Variants in ACVR2A observed in about 807,000 individuals in gnomAD.
ACVR2A encodes the protein activin receptor type-2A.
In ACVR2A, 7 loss-of-function variants were observed where a neutral mutation model predicts 61.4. The ratio of observed to expected loss-of-function variants is 0.11; its 90% CI spans 0.06 to 0.21. The LOEUF is 0.21. Among genes scored for constraint, ACVR2A ranks in the 10% least tolerant of loss-of-function variants. The pLI is 1.00. For missense variants in ACVR2A, 322 were observed against 621.7 expected, an observed-to-expected ratio of 0.52 and a Z score of 5.13; for synonymous variants, 193 against 208.3, an observed-to-expected ratio of 0.93 and a Z score of 0.63.
intron 5 of ACVR2A, among the ~76,000 whole-genome samples, chr2:147,915,687 C>T (rs2105214144): frequency 6.6e-6 from 1 of 151,958 alleles, no homozygotes; most frequent in Non-Finnish European, 1.5e-5. Context: ...AACAAAAAAA[C>T]AAAAGAGCAG....
chr2:147,896,524 A>AAAAT lies in ACVR2A; in HGVS notation c.263+16_263+17insAAAT. 6.2e-7 allele frequency: 1 copy of AAAAT among 1,612,116 alleles called. No homozygotes were observed. Among genetic ancestry groups the AAAAT allele is most frequent in the Non-Finnish European group, 8.5e-7 (1 of 1,178,326 alleles). ...GCTATGACAGGTAAGAACACATTTA[A>AAAAT]GATTTTATGGTAGTATTGAGTAATT... is the stretch of plus-strand genomic sequence containing the variant. On this transcript the variant is annotated intron_variant, in intron 2 of 10. Coordinates refer to ENST00000241416, the MANE Select transcript of ACVR2A (RefSeq NM_001616.5).
intron 1 of ACVR2A, among the ~76,000 whole-genome samples, chr2:147,872,720 T>C (rs1347960029): frequency 1.3e-5 from 2 of 151,792 alleles, no homozygotes; most frequent in Non-Finnish European, 2.9e-5. Flanking sequence ...TTGTATGCAT[T>C]TAGTTTTACA....
chr2:147,891,195 T>C (rs1686574199), intron 1 of ACVR2A, among the ~76,000 whole-genome samples: 1 of 152,214 alleles, frequency 6.6e-6, no homozygotes, highest in Non-Finnish European at 1.5e-5. Context: ...TGGAATTGAC[T>C]CCGAAGGTAA....
intron 1 of ACVR2A, among the ~76,000 whole-genome samples, chr2:147,849,248 TG>T (rs1685391399): frequency 6.6e-6 from 1 of 152,206 alleles, no homozygotes; most frequent in South Asian, 2.1e-4. Context: ...GGATTTTCTT[TG>T]CCATGATATG....
At chr2:147,850,304 A>G (rs1685412711) in intron 1 of ACVR2A, among the ~76,000 whole-genome samples, 1 of 152,130 alleles carries the variant, frequency 6.6e-6, no homozygotes, top group Non-Finnish European at 1.5e-5. Context: ...AACAGATTGA[A>G]TTTAGAATGC....
intron 1 of ACVR2A, among the ~76,000 whole-genome samples, chr2:147,890,470 C>T (rs1315253826): frequency 6.6e-6 from 1 of 151,912 alleles, no homozygotes; most frequent in Non-Finnish European, 1.5e-5. Flanking sequence ...TTTCAGCTCC[C>T]CATTCCCAGG....
chr2:147,928,141 A>C lies in ACVR2A; in HGVS notation c.*867A>C, dbSNP rs1687550412. Reference sequence around the variant, plus strand: ...AAGCCCCATCTTATATCCAGTTCCCAAAATTTGCATACTTACCTAAGTATT... The same window carrying C: ...AAGCCCCATCTTATATCCAGTTCCCCAAATTTGCATACTTACCTAAGTATT... On this transcript the variant is annotated 3_prime_UTR_variant, in exon 11 of 11. Transcript: ENST00000241416. 2 of 152,268 alleles carry C rather than the reference A, an allele frequency of 1.3e-5. No individual in the cohort carries two copies. The highest frequency in any genetic ancestry group is 6.6e-5 in the Admixed American group (1 of 15,168). The allele number at this position is 152,268 out of a possible 1,614,324, so 9.4% of individuals were successfully genotyped here.
At chr2:147,877,947 C>G (rs1341950048) in intron 1 of ACVR2A, among the ~76,000 whole-genome samples, 1 of 152,114 alleles carries the variant, frequency 6.6e-6, no homozygotes, top group Non-Finnish European at 1.5e-5. Context: ...TTTTTTTACT[C>G]TTCGAAAACT....
chr2:147,902,006 C>T (rs989905646), intron 4 of ACVR2A, among the ~76,000 whole-genome samples: 6 of 151,924 alleles, frequency 3.9e-5, no homozygotes, highest in Non-Finnish European at 5.9e-5. Context: ...GAGCATTTTA[C>T]AGTGTACTAG....
chr2:147,867,117 A>G (rs1467733196), intron 1 of ACVR2A, among the ~76,000 whole-genome samples: 1 of 152,202 alleles, frequency 6.6e-6, no homozygotes, highest in Non-Finnish European at 1.5e-5. Context: ...AGTCACCACT[A>G]GATTTGTCAA....
intron 9 of ACVR2A, among the ~76,000 whole-genome samples, chr2:147,923,925 T>G (rs761631068): frequency 1.6e-4 from 24 of 152,226 alleles, no homozygotes; most frequent in Middle Eastern, 6.8e-3. Flanking sequence ...AACAATATTT[T>G]ATTTTCTGAG....
rs1367316955 is a variant in ACVR2A at position 147,927,581 on chromosome 2, TTGAAAAC to T, written c.*311_*317del. 4.8e-6 allele frequency: 1 copy of T among 209,504 alleles called. No homozygotes were observed. Among genetic ancestry groups the T allele is most frequent in the African/African-American group, 2.3e-5 (1 of 43,756 alleles). The allele number at this position is 209,504 out of a possible 1,614,324, so 13.0% of individuals were successfully genotyped here. ...CTTTTGGACCTGGCTAATGGAGTGT[TTGAAAAC>T]TGACATCAGATTTCTTAATGTCTGT... On this transcript the variant is annotated 3_prime_UTR_variant, in exon 11 of 11. Coordinates refer to ENST00000241416, the MANE Select transcript of ACVR2A (RefSeq NM_001616.5).
intron 1 of ACVR2A, among the ~76,000 whole-genome samples, chr2:147,882,646 C>T (rs1686334366): frequency 1.3e-5 from 2 of 152,174 alleles, no homozygotes; most frequent in Admixed American, 6.6e-5. Flanking sequence ...ATGCCACATG[C>T]ACATTGTCTA....
rs1025519731 is a variant in ACVR2A, at chr2:147,925,904, C to T, written c.1217-127C>T. On this transcript the variant is annotated intron_variant, in intron 9 of 10. Coordinates refer to ENST00000241416, the MANE Select transcript of ACVR2A (RefSeq NM_001616.5). Reference sequence around the variant, plus strand: ...TAAGTACAGTTGAGAGTCTGTTTCTCTTCTGTCCTCATAGCATGTAAACAG... The same window carrying T: ...TAAGTACAGTTGAGAGTCTGTTTCTTTTCTGTCCTCATAGCATGTAAACAG... 7 of 934,606 alleles carry T rather than the reference C, an allele frequency of 7.5e-6. No homozygotes were observed. The Admixed American group carries it at 9.9e-5, about 13-fold the overall frequency. 57.9% of individuals were successfully genotyped at this position (934,606 alleles called of 1,614,324 possible).
chr2:147,906,789 C>G (rs1289336999), intron 4 of ACVR2A, among the ~76,000 whole-genome samples: 1 of 149,534 alleles, frequency 6.7e-6, no homozygotes, highest in Non-Finnish European at 1.5e-5. Flanking sequence ...TTGTTAGTAC[C>G]ATGGGGTTCT....
rs1271729842 is a variant in ACVR2A at position 147,927,833 on chromosome 2, A to G, written c.*559A>G. The G allele has an allele frequency of 6.6e-6, 1 of 152,384 alleles. No homozygotes were observed. Among genetic ancestry groups the G allele is most frequent in the African/African-American group, 2.4e-5 (1 of 41,402 alleles). The allele number at this position is 152,384 out of a possible 1,614,324, so 9.4% of individuals were successfully genotyped here. ...GTGGGGTACAGTAAAGAGGCTTCCA[A>G]GCATTACTTTAACCTCCCTCAACAA... On this transcript the variant is annotated 3_prime_UTR_variant, in exon 11 of 11. Transcript: ENST00000241416.
rs553154297 is a variant in ACVR2A, at chr2:147,882,845, C to T, written c.56-13456C>T. Reference sequence around the variant, plus strand: ...AAAAATTTCTGGGAAGAAAGCCAGACAATGTTTGTGTTTTCCTTTAGAAGT... The same window carrying T: ...AAAAATTTCTGGGAAGAAAGCCAGATAATGTTTGTGTTTTCCTTTAGAAGT... On this transcript the variant is annotated intron_variant, in intron 1 of 10. Coordinates refer to ENST00000241416, the MANE Select transcript of ACVR2A (RefSeq NM_001616.5). Among the ~76,000 whole-genome samples the T allele has an allele frequency of 5.3e-5, 8 of 151,666 alleles. No homozygotes were observed. The East Asian group carries it at 1.6e-3, about 29-fold the overall frequency.
intron 4 of ACVR2A, among the ~76,000 whole-genome samples, chr2:147,907,791 C>T (rs1440042119): frequency 3.3e-5 from 5 of 151,988 alleles, no homozygotes; most frequent in Admixed American, 6.5e-5. Flanking sequence ...TTTAGGAGGC[C>T]GAGGTGGGTG....
intron 2 of ACVR2A, among the ~76,000 whole-genome samples, chr2:147,899,099 A>G (rs1686813618): frequency 6.6e-6 from 1 of 152,126 alleles, no homozygotes; most frequent in Non-Finnish European, 1.5e-5. Context: ...CCTGTGAGCA[A>G]AAGCACTCTT....
Sources: gnomAD v4.1 joint callset for allele counts (sites outside exome capture counted in the v4.1 genomes callset) on GRCh38, gnomAD v4.1.1 for gene constraint, MANE v1.5 for transcripts, NCBI Gene and HGNC (gene_info 2026-07-23, HGNC 2026-07-21) for gene names.